Variants in CC2D2B observed in about 807,000 individuals in gnomAD.
The protein encoded by CC2D2B is protein CC2D2B.
A neutral mutation model predicts 161.2 loss-of-function variants in CC2D2B; 128 were observed. The ratio of observed to expected loss-of-function variants is 0.79; its 90% CI spans 0.69 to 0.92. The LOEUF (loss-of-function observed/expected upper bound fraction) is 0.92, where lower values mean the gene tolerates loss of function less well. Among genes scored for constraint, CC2D2B ranks in the 40% least tolerant of loss-of-function variants. The probability of loss-of-function intolerance (pLI) is 0.00; values close to 1 mark genes in which losing one functional copy is unlikely to be tolerated. For synonymous variants in CC2D2B, 391 were observed against 449.8 expected (o/e 0.87, Z 1.65); for missense variants, 1,173 against 1,375.1 (o/e 0.85, Z 2.32).
At chr10:96,009,527 G>A (rs755402802) in intron 25 of CC2D2B, among the ~76,000 whole-genome samples, 3 of 152,242 alleles carry the variant, frequency 2.0e-5, no homozygotes, top group Non-Finnish European at 4.4e-5. Flanking sequence ...GTAAGAGCAG[G>A]ATACTATAAT....
At chr10:96,009,970 T>C (rs2078915165) in intron 26 of CC2D2B, 47 bp downstream of exon 26, 1 of 1,209,014 alleles carries the variant, frequency 8.3e-7, no homozygotes, top group Admixed American at 1.8e-5. Context: ...GACCTCTGGC[T>C]CATAGAAAAA....
intron 20 of CC2D2B, among the ~76,000 whole-genome samples, chr10:95,990,355 A>C (rs1340358782): frequency 6.6e-6 from 1 of 152,208 alleles, no homozygotes; most frequent in East Asian, 1.9e-4. Flanking sequence ...AAAGACCTAA[A>C]GGAGACAAGG....
At chr10:96,024,558 T>C (rs2141947304) in intron 32 of CC2D2B, among the ~76,000 whole-genome samples, 2 of 152,316 alleles carry the variant, frequency 1.3e-5, no homozygotes, top group Non-Finnish European at 2.9e-5. Context: ...CCAAAGATTA[T>C]TTGGTAGTAG....
chr10:95,929,117 T>C (rs1034468611), intron 6 of CC2D2B, among the ~76,000 whole-genome samples: 4 of 152,354 alleles, frequency 2.6e-5, no homozygotes, highest in African/African-American at 9.6e-5. Context: ...TGGTATCTCA[T>C]TGTGGCTTTG....
At chr10:95,973,880 A>T in intron 16 of CC2D2B, 129 bp from the exon 17 acceptor site, 1 of 435,344 alleles carries the variant, frequency 2.3e-6, no homozygotes, top group Non-Finnish European at 3.8e-6. Flanking sequence ...AAAAAAAAAA[A>T]GAGTGGGGTT....
intron 7 of CC2D2B, 135 bp from the exon 8 acceptor site, chr10:95,938,434 G>C (rs928489934): frequency 1.7e-6 from 1 of 601,384 alleles, no homozygotes; most frequent in Non-Finnish European, 3.0e-6. Flanking sequence ...GAGAAAGTAA[G>C]AGACAGTGAG....
intron 9 of CC2D2B, among the ~76,000 whole-genome samples, chr10:95,947,982 C>A (rs2076280748): frequency 6.6e-6 from 1 of 152,122 alleles, no homozygotes; most frequent in Non-Finnish European, 1.5e-5. Context: ...ATAAGTAATT[C>A]TCATTTAACT....
Position 95,978,661 on chromosome 10 carries a change from T to G in CC2D2B, c.1944-3314T>G, listed in dbSNP as rs890264363. Among the ~76,000 whole-genome samples the G allele has an allele frequency of 2.6e-5, 4 of 152,208 alleles. No individual in the cohort carries two copies. The South Asian group carries it at 8.3e-4, about 31-fold the overall frequency. ...TGCTAGGATTACAGGCCTAAGCCAC[T>G]GAGCCCAGCCAAGCCTCAGCCTATT... On this transcript the variant is annotated intron_variant, in intron 17 of 34. Transcript: ENST00000646931.
intron 19 of CC2D2B, among the ~76,000 whole-genome samples, chr10:95,985,086 T>C (rs1413692947): frequency 6.6e-6 from 1 of 152,212 alleles, no homozygotes; most frequent in East Asian, 1.9e-4. Context: ...ACAGAAGTTA[T>C]GCAAAAACTC....
At chr10:95,942,798 A>T (rs942828326) in intron 9 of CC2D2B, among the ~76,000 whole-genome samples, 5 of 151,908 alleles carry the variant, frequency 3.3e-5, no homozygotes, top group Admixed American at 6.6e-5. Flanking sequence ...TTTGCTGTTT[A>T]TTCTTTTTTC....
chr10:95,993,845 TATATATAG>T (rs1433138961), intron 22 of CC2D2B, among the ~76,000 whole-genome samples: 20 of 107,094 alleles, frequency 1.9e-4, no homozygotes, highest in African/African-American at 7.2e-4. Flanking sequence ...TATATATATA[TATATATAG>T]AGAGAGAGAG....
rs1421641177 is a variant in CC2D2B, at chr10:95,947,105, ATATATATATTTTTTTTTTTTT to A, written c.802-2789_802-2769del. Among the ~76,000 whole-genome samples the A allele has an allele frequency of 5.1e-3, 190 of 37,040 alleles. 20 individuals are homozygous for A. The highest frequency in any genetic ancestry group is 0.013 in the South Asian group (13 of 978). The allele number at this position is 37,040 out of a possible 152,430, so 24.3% of individuals were successfully genotyped here. ...AAAATATATATATATATATATATAT[ATATATATATTTTTTTTTTTTT>A]TTTTGAGACAAAGTATTGCTCTGTC... On this transcript the variant is annotated intron_variant, in intron 9 of 34. Coordinates refer to ENST00000646931, the MANE Select transcript of CC2D2B (RefSeq NM_001349008.3).
rs865911876 is a variant in CC2D2B, at chr10:95,919,811, A to T, written c.37-2205A>T. On this transcript the variant is annotated intron_variant, in intron 2 of 34. Coordinates refer to ENST00000646931, the MANE Select transcript of CC2D2B (RefSeq NM_001349008.3). ...CATTGAAGTGCGAGGGCCTGGGGTC[A>T]GGGGTTTTAGGAATTTGTTTGGTGC... The T allele has an allele frequency of 1.7e-4, 26 of 151,756 alleles. 1 individual carries two copies. Among genetic ancestry groups the T allele is most frequent in the African/African-American group, 5.1e-4 (21 of 41,276 alleles). 9.4% of individuals were successfully genotyped at this position (151,756 alleles called of 1,614,324 possible). A position where few individuals can be genotyped will look rare whatever the true frequency, so the allele number is the denominator to read the frequency against.
At chr10:95,926,540 A>T (rs2098538842) in intron 5 of CC2D2B, among the ~76,000 whole-genome samples, 1 of 151,436 alleles carries the variant, frequency 6.6e-6, no homozygotes, top group Non-Finnish European at 1.5e-5. Context: ...ATATAAAGTT[A>T]TATCTTATAA....
intron 6 of CC2D2B, among the ~76,000 whole-genome samples, chr10:95,929,020 T>G (rs1040964557): frequency 1.3e-5 from 2 of 152,146 alleles, no homozygotes; most frequent in African/African-American, 4.8e-5. Flanking sequence ...CCACCAACAG[T>G]GTAAAAGTGT....
Position 95,996,218 on chromosome 10 carries a change from C to T in CC2D2B, c.2815C>T (p.Pro939Ser). The T allele has an allele frequency of 6.6e-7, 1 of 1,510,750 alleles. No individual in the cohort carries two copies. The highest frequency in any genetic ancestry group is 8.9e-7 in the Non-Finnish European group (1 of 1,129,654). 93.6% of individuals were successfully genotyped at this position (1,510,750 alleles called of 1,614,324 possible). The change falls in exon 24 of 35, where the codon CCA becomes TCA. Residue 939 changes from proline to serine, a missense_variant. This residue lies in a region of CC2D2B where 598 missense variants were observed against 693.2 expected (regional missense o/e 0.86). Coordinates refer to ENST00000646931, the MANE Select transcript of CC2D2B (RefSeq NM_001349008.3). ...YKTNTASGSH[P>S]CWNEEIKVDF... ...AACCAATACAGCAAGTGGATCTCAT[C>T]CATGCTGGAATGAAGAAATTAAAGT... is the stretch of plus-strand genomic sequence containing the variant.
Position 95,972,305 on chromosome 10 carries a change from A to G in CC2D2B, c.1795+89A>G, listed in dbSNP as rs151079756. Reference sequence around the variant, plus strand: ...CCCTGGCTCACTCACATAAGTACAAAATCCTGTATTTACAATATTCTTTTT... The same window carrying G: ...CCCTGGCTCACTCACATAAGTACAAGATCCTGTATTTACAATATTCTTTTT... On this transcript the variant is annotated intron_variant, in intron 16 of 34. Transcript: ENST00000646931. 3.0e-3 allele frequency: 2,450 copies of G among 804,736 alleles called. 11 individuals carry two copies. Among genetic ancestry groups the G allele is most frequent in the South Asian group, 0.023 (351 of 15,466 alleles). The allele number at this position is 804,736 out of a possible 1,614,324, so 49.8% of individuals were successfully genotyped here. A position where few individuals can be genotyped will look rare whatever the true frequency, so the allele number is the denominator to read the frequency against.
chr10:96,019,515 A>C, intron 31 of CC2D2B, 178 bp downstream of exon 31: 1 of 812,394 alleles, frequency 1.2e-6, no homozygotes, highest in South Asian at 1.8e-5. Context: ...GCCTTCAAGG[A>C]TGAGAACCGT....
At chr10:95,995,168 A>G (rs1022168710) in intron 22 of CC2D2B, 101 bp from the exon 23 acceptor site, 1 of 564,900 alleles carries the variant, frequency 1.8e-6, no homozygotes, top group African/African-American at 1.9e-5. Context: ...AGAGAAACTG[A>G]CTTATATATC....
Sources: gnomAD v4.1 joint callset for allele counts (sites outside exome capture counted in the v4.1 genomes callset) on GRCh38, gnomAD v4.1.1 for gene constraint, gnomAD v4.1.1 regional missense constraint, MANE v1.5 for transcripts, NCBI Gene and HGNC (gene_info 2026-07-23, HGNC 2026-07-21) for gene names.